The following ADCY2 variants were observed in gnomAD, a reference collection of about 807,000 sequenced individuals.
ADCY2 encodes adenylate cyclase 2.
ADCY2 carries 31 observed loss-of-function variants against 125.2 expected under a neutral mutation model. That is an observed-to-expected ratio of 0.25 (90% confidence interval 0.19 to 0.33). ADCY2 has a LOEUF of 0.33. ADCY2 is among the 10% of genes least tolerant of loss of function. The pLI, the probability that ADCY2 is intolerant of heterozygous loss-of-function variation, is 1.00. For missense variants in ADCY2, 904 were observed against 1,418.2 expected (o/e 0.64, Z 5.82); for synonymous variants, 512 against 548.4 (o/e 0.93, Z 0.93).
intron 6 of ADCY2, among the ~76,000 whole-genome samples, chr5:7,696,382 G>A (rs1219629578): frequency 6.6e-6 from 1 of 152,086 alleles, no homozygotes; most frequent in East Asian, 1.9e-4. Flanking sequence ...AAACAGAAAT[G>A]GAAGTTTAGT....
intron 2 of ADCY2, among the ~76,000 whole-genome samples, chr5:7,455,350 C>T (rs960143996): frequency 1.3e-5 from 2 of 152,096 alleles, no homozygotes; most frequent in Non-Finnish European, 2.9e-5. Flanking sequence ...GGTCAGTGAT[C>T]ACACACTCTT....
intron 22 of ADCY2, among the ~76,000 whole-genome samples, chr5:7,808,230 C>T (rs1331153663): frequency 1.3e-5 from 2 of 152,302 alleles, no homozygotes; most frequent in East Asian, 1.9e-4. Context: ...TTTCAACTTT[C>T]CTGGAAGTGT....
intron 2 of ADCY2, among the ~76,000 whole-genome samples, chr5:7,428,034 G>C (rs1400509686): frequency 1.3e-5 from 2 of 152,308 alleles, no homozygotes; most frequent in African/African-American, 4.8e-5. Context: ...CTAAGACTGA[G>C]CCCTGTGAGG....
chr5:7,434,430 T>A (rs1740720618), intron 2 of ADCY2, among the ~76,000 whole-genome samples: 1 of 152,240 alleles, frequency 6.6e-6, no homozygotes, highest in African/African-American at 2.4e-5. Flanking sequence ...GTAGGCTGTG[T>A]GTGCTGCATT....
chr5:7,453,787 G>T (rs779182750), intron 2 of ADCY2, among the ~76,000 whole-genome samples: 1 of 152,096 alleles, frequency 6.6e-6, no homozygotes, highest in Non-Finnish European at 1.5e-5. Flanking sequence ...GCCAGCTCTT[G>T]GGAGGGGAGC....
chr5:7,698,406 TA>T, intron 7 of ADCY2, 32 bp downstream of exon 7: 1 of 1,612,002 alleles, frequency 6.2e-7, no homozygotes, highest in Non-Finnish European at 8.5e-7. Flanking sequence ...CATTTTGTTA[TA>T]TGCTTTAAGT....
chr5:7,608,028 C>A (rs1737441869), intron 3 of ADCY2, among the ~76,000 whole-genome samples: 1 of 152,126 alleles, frequency 6.6e-6, no homozygotes. Context: ...TAGGAGTAAT[C>A]CATCCTTTAT....
At chr5:7,497,024 T>G (rs1743368027) in intron 2 of ADCY2, among the ~76,000 whole-genome samples, 1 of 152,174 alleles carries the variant, frequency 6.6e-6, no homozygotes, top group African/African-American at 2.4e-5. Flanking sequence ...GTTCAGAATT[T>G]CTTGAAGAAA....
At chr5:7,554,432 G>C (rs1735440428) in intron 3 of ADCY2, among the ~76,000 whole-genome samples, 1 of 152,024 alleles carries the variant, frequency 6.6e-6, no homozygotes, top group Non-Finnish European at 1.5e-5. Context: ...TTTGGGAGCT[G>C]GAAGTACATA....
intron 2 of ADCY2, among the ~76,000 whole-genome samples, chr5:7,472,193 G>A (rs1742364533): frequency 6.6e-6 from 1 of 152,102 alleles, no homozygotes; most frequent in Non-Finnish European, 1.5e-5. Flanking sequence ...ACTCTGGAAT[G>A]CAATGTTCTA....
chr5:7,579,159 A>G (rs1378732965), intron 3 of ADCY2, among the ~76,000 whole-genome samples: 1 of 152,176 alleles, frequency 6.6e-6, no homozygotes, highest in African/African-American at 2.4e-5. Flanking sequence ...ACAAAATATA[A>G]AACAAAACCA....
At chr5:7,435,969 T>G (rs1740784965) in intron 2 of ADCY2, among the ~76,000 whole-genome samples, 1 of 152,174 alleles carries the variant, frequency 6.6e-6, no homozygotes, top group South Asian at 2.1e-4. Flanking sequence ...GGTTTTTGAG[T>G]AGAGTCAGAA....
chr5:7,510,763 G>C (rs1161871855), intron 2 of ADCY2, among the ~76,000 whole-genome samples: 1 of 152,190 alleles, frequency 6.6e-6, no homozygotes, highest in Non-Finnish European at 1.5e-5. Flanking sequence ...AACATACAGT[G>C]GATGCAAAGG....
intron 3 of ADCY2, among the ~76,000 whole-genome samples, chr5:7,535,033 T>C (rs1401460523): frequency 2.6e-5 from 4 of 152,222 alleles, no homozygotes; most frequent in African/African-American, 4.8e-5. Context: ...ACCAAAGCTT[T>C]GCTTTTGTTT....
chr5:7,518,248 T>C (rs1417119586), intron 2 of ADCY2, among the ~76,000 whole-genome samples: 1 of 152,168 alleles, frequency 6.6e-6, no homozygotes, highest in Admixed American at 6.5e-5. Flanking sequence ...CTTTGGAAGA[T>C]GATTTTGGGG....
intron 3 of ADCY2, among the ~76,000 whole-genome samples, chr5:7,607,038 G>T (rs1357750965): frequency 6.6e-6 from 1 of 152,100 alleles, no homozygotes; most frequent in African/African-American, 2.4e-5. Flanking sequence ...GTCTTTCTGT[G>T]AGCCCTTTGA....
chr5:7,411,798 G>A (rs1011406290), intron 1 of ADCY2, among the ~76,000 whole-genome samples: 5 of 152,028 alleles, frequency 3.3e-5, no homozygotes, highest in Non-Finnish European at 1.5e-5. Context: ...AAGCACGGCC[G>A]GGCGCGGTGG....
chr5:7,734,831 T>TA (rs1742199270), intron 14 of ADCY2, among the ~76,000 whole-genome samples: 2 of 152,266 alleles, frequency 1.3e-5, no homozygotes, highest in Non-Finnish European at 2.9e-5. Context: ...GAAGCCATGG[T>TA]TCCAGAAGCC....
chr5:7,814,967 A>G (rs1745063574), intron 22 of ADCY2, among the ~76,000 whole-genome samples: 1 of 151,958 alleles, frequency 6.6e-6, no homozygotes, highest in South Asian at 2.1e-4. Flanking sequence ...CCCATGTCCT[A>G]GCCCAGGGCA....
Sources: gnomAD v4.1 joint callset for allele counts (sites outside exome capture counted in the v4.1 genomes callset) on GRCh38, gnomAD v4.1.1 for gene constraint, MANE v1.5 for transcripts, NCBI Gene and HGNC (gene_info 2026-07-23, HGNC 2026-07-21) for gene names.